Variants in PLEKHG1 observed in about 807,000 individuals in gnomAD.
The protein encoded by PLEKHG1 is pleckstrin homology and RhoGEF domain containing G1.
Under a neutral mutation model 100.8 loss-of-function variants are expected in PLEKHG1, and 44 were observed. The ratio of observed to expected loss-of-function variants is 0.44; its 90% CI spans 0.34 to 0.56. The LOEUF is 0.56. Ranked by LOEUF, PLEKHG1 falls within the 20% of genes least tolerant of loss-of-function variation. The pLI is 0.01. For missense variants in PLEKHG1, 1,545 were observed against 1,720.9 expected, an observed-to-expected ratio of 0.90 and a Z score of 1.81; for synonymous variants, 640 against 662.5, an observed-to-expected ratio of 0.97 and a Z score of 0.52.
intron 1 of PLEKHG1, among the ~76,000 whole-genome samples, chr6:150,727,246 G>A (rs1041961573): frequency 1.3e-5 from 2 of 152,188 alleles, no homozygotes; most frequent in African/African-American, 4.8e-5. Flanking sequence ...TCCCTGCTGT[G>A]AGTAGAATTT....
chr6:150,629,022 T>C (rs962197529), intron 1 of PLEKHG1, among the ~76,000 whole-genome samples: 1 of 152,176 alleles, frequency 6.6e-6, no homozygotes, highest in Non-Finnish European at 1.5e-5. Context: ...TAGACCTCCA[T>C]TGGCCACAGT....
intron 15 of PLEKHG1, among the ~76,000 whole-genome samples, chr6:150,833,627 G>A (rs146552621): frequency 5.9e-4 from 90 of 152,320 alleles, no homozygotes; most frequent in East Asian, 2.9e-3. Flanking sequence ...AAGTCCAAAG[G>A]TAGTGGCTCT....
intron 4 of PLEKHG1, among the ~76,000 whole-genome samples, chr6:150,786,782 C>G (rs1284629668): frequency 1.3e-5 from 2 of 151,980 alleles, no homozygotes; most frequent in East Asian, 3.9e-4. Flanking sequence ...ATAATCCCAG[C>G]ACTTTGGGAA....
intron 6 of PLEKHG1, among the ~76,000 whole-genome samples, chr6:150,804,024 TGTTTATCC>T (rs1786863525): frequency 2.0e-5 from 2 of 99,638 alleles, no homozygotes; most frequent in African/African-American, 1.4e-4. Context: ...TATTTTATCC[TGTTTATCC>T]TGGAATCCTA....
chr6:150,805,162 C>A (rs1432791961), intron 7 of PLEKHG1, among the ~76,000 whole-genome samples: 1 of 151,726 alleles, frequency 6.6e-6, no homozygotes, highest in Non-Finnish European at 1.5e-5. Flanking sequence ...CTCGAACTCC[C>A]GACCTCAGGT....
upstream of PLEKHG1, among the ~76,000 whole-genome samples, chr6:150,719,895 T>C (rs1781598072): frequency 6.6e-6 from 1 of 152,214 alleles, no homozygotes; most frequent in Non-Finnish European, 1.5e-5. Flanking sequence ...CCTTTAAAAA[T>C]CACTTATTTA....
chr6:150,802,771 C>T (rs112739857), intron 6 of PLEKHG1, among the ~76,000 whole-genome samples: 2,704 of 151,784 alleles, frequency 0.018, 72 homozygotes, highest in African/African-American at 0.062. Flanking sequence ...AGCGATTCTC[C>T]TGCCTCAGCT....
exon 13 of PLEKHG1, chr6:150,821,223 G>A: frequency 6.2e-7 from 1 of 1,610,758 alleles, no homozygotes; most frequent in Non-Finnish European, 8.5e-7. Flanking sequence ...ATAAAGTTTT[G>A]AAGACCAGTG....
At chr6:150,819,688 G>C (rs1248744083) in exon 12 of PLEKHG1, 1 of 1,605,842 alleles carries the variant, frequency 6.2e-7, no homozygotes, top group Admixed American at 1.7e-5. Context: ...GATCATCCAG[G>C]CTTCTGTTAC....
intron 14 of PLEKHG1, among the ~76,000 whole-genome samples, chr6:150,827,360 C>T (rs1356971607): frequency 7.9e-5 from 12 of 151,886 alleles, no homozygotes; most frequent in Admixed American, 6.6e-4. Flanking sequence ...TCACTGCAAC[C>T]TCCGCCTCCC....
intron 3 of PLEKHG1, among the ~76,000 whole-genome samples, chr6:150,710,506 C>T (rs1235239889): frequency 6.6e-6 from 1 of 152,068 alleles, no homozygotes; most frequent in Non-Finnish European, 1.5e-5. Context: ...AGCAGCTCTG[C>T]CCACTGTCTG....
chr6:150,832,918 C>T (rs1446114446), intron 15 of PLEKHG1, among the ~76,000 whole-genome samples: 2 of 151,466 alleles, frequency 1.3e-5, no homozygotes, highest in East Asian at 3.9e-4. Flanking sequence ...CTCAAGCAAT[C>T]CTCTTGCCTC....
intron 2 of PLEKHG1, among the ~76,000 whole-genome samples, chr6:150,755,409 A>G (rs1479841499): frequency 6.6e-6 from 1 of 152,190 alleles, no homozygotes; most frequent in Non-Finnish European, 1.5e-5. Flanking sequence ...GTGGCAGAGA[A>G]TGGTGGGGGG....
chr6:150,684,866 G>A (rs1162994845), intron 3 of PLEKHG1, among the ~76,000 whole-genome samples: 1 of 152,084 alleles, frequency 6.6e-6, no homozygotes, highest in Non-Finnish European at 1.5e-5. Context: ...GGAAAGGCGT[G>A]GTTCACCCGC....
intron 4 of PLEKHG1, 93 bp from the exon 6 acceptor site, chr6:150,795,763 C>G: frequency 1.4e-6 from 1 of 691,876 alleles, no homozygotes. Context: ...ATATAAATGT[C>G]AAGGCCCGAA....
At chr6:150,839,068 C>G (rs1215867735) in intron 15 of PLEKHG1, among the ~76,000 whole-genome samples, 1 of 152,058 alleles carries the variant, frequency 6.6e-6, no homozygotes, top group African/African-American at 2.4e-5. Context: ...TGATGGGAAG[C>G]CAGGGGTAGC....
chr6:150,730,014 T>C (rs1304716125), intron 1 of PLEKHG1, among the ~76,000 whole-genome samples: 1 of 152,146 alleles, frequency 6.6e-6, no homozygotes, highest in African/African-American at 2.4e-5. Flanking sequence ...CAATATTGGG[T>C]ATCTAATATA....
At chr6:150,741,716 G>A (rs1397392583) in intron 2 of PLEKHG1, among the ~76,000 whole-genome samples, 1 of 152,142 alleles carries the variant, frequency 6.6e-6, no homozygotes, top group Non-Finnish European at 1.5e-5. Context: ...TGAAAAGCAG[G>A]CCTTTCTCCG....
At chr6:150,716,118 A>AAAAAG (rs1229342556), upstream of PLEKHG1, among the ~76,000 whole-genome samples, 1 of 151,674 alleles carries the variant, frequency 6.6e-6, no homozygotes. Flanking sequence ...AAAAAAAAAA[A>AAAAAG]AAAAGAAAAG....
Sources: allele counts gnomAD v4.1 joint callset (sites outside exome capture counted in the v4.1 genomes callset), GRCh38; gene constraint gnomAD v4.1.1; transcripts MANE v1.5; gene names NCBI Gene and HGNC (gene_info 2026-07-23, HGNC 2026-07-21).